The following HTR3D variants were observed in gnomAD, a reference collection of about 807,000 sequenced individuals.
HTR3D encodes 5-hydroxytryptamine receptor 3D.
In HTR3D, 47 loss-of-function variants were observed where a neutral mutation model predicts 45.8. That is an observed-to-expected ratio of 1.03 (90% CI 0.81 to 1.31). The LOEUF is 1.31. HTR3D is among the 50% of genes most tolerant of loss of function. The pLI is 0.00. For synonymous variants in HTR3D, 203 were observed against 199.8 expected (o/e 1.02, Z -0.13); for missense variants, 448 against 506.9 (o/e 0.88, Z 1.12).
intron 1 of HTR3D, chr3:184,033,117 G>A: frequency 8.2e-7 from 1 of 1,225,908 alleles, no homozygotes; most frequent in Non-Finnish European, 1.1e-6. Flanking sequence ...CCCTCTGACT[G>A]GATTTTTTTT....
In HTR3D at chr3:184,038,289, G is replaced by C. The variant is rs767301506; in HGVS notation, c.769+16G>C. ...CAAAAGCGAGGTGTGTGTTGGATGG[G>C]GAGAGGGATGGGCAGAACCAGGCGA... On this transcript the variant is annotated intron_variant, in intron 6 of 7. Transcript: ENST00000428798. The surrounding 1 kb of genome is among the most constrained non-coding windows in gnomAD (Gnocchi z 4.5). 4 of 1,613,200 alleles carry C rather than the reference G, an allele frequency of 2.5e-6. No individual in the cohort carries two copies. Among genetic ancestry groups the C allele is most frequent in the Non-Finnish European group, 3.4e-6 (4 of 1,179,352 alleles).
At chr3:184,031,599 T>C (rs1722751622), upstream of HTR3D, 1 of 617,532 alleles carries the variant, frequency 1.6e-6, no homozygotes, top group East Asian at 2.8e-5. Context: ...GACATTCTTT[T>C]GTCACCAAGG....
chr3:184,038,465 T>G lies in HTR3D; in HGVS notation c.826T>G (p.Phe276Val), dbSNP rs1576980234. ...LMVGSLLETIFITHLLHVATT... is the reference protein window; with the variant it reads ...LMVGSLLETIVITHLLHVATT... Reference sequence around the variant, plus strand: ...GGTGGGCAGCCTGCTGGAGACCATCTTCATCACCCACCTGCTGCACGTGGC... The same window carrying G: ...GGTGGGCAGCCTGCTGGAGACCATCGTCATCACCCACCTGCTGCACGTGGC... Residue 276 changes from phenylalanine (F) to valine (V), a missense_variant, in exon 7 of 8, where the codon TTC (phenylalanine) becomes GTC (valine). By Grantham distance (50) the Phe-to-Val change is conservative. Transcript: ENST00000428798. This position sits in a 1 kb window ranked among gnomAD's most constrained non-coding sequence, Gnocchi z 4.5. The G allele has an allele frequency of 1.6e-5, 26 of 1,614,036 alleles. No homozygotes were observed. The highest frequency in any genetic ancestry group is 2.0e-5 in the Non-Finnish European group (24 of 1,179,996).
In HTR3D at chr3:184,036,382, C is replaced by A. The variant is rs1364533857; in HGVS notation, c.205C>A (p.Gln69Lys). ...TCTCCCACACAGCATCAGTGTGGAT[C>A]AGACACCTGCAGGTCTCATGGCTAG... ...SDVFIEESVD[Q>K]TPAGLMASMS... Residue 69 changes from glutamine (Q) to lysine (K), a missense_variant, in exon 4 of 8, where the codon CAG becomes AAG. Physicochemically the swap from Gln to Lys is moderately conservative, Grantham distance 53 (BLOSUM62 1). Transcript: ENST00000428798. 2 of 1,614,128 alleles carry A rather than the reference C, an allele frequency of 1.2e-6. No individual in the cohort carries two copies. Among genetic ancestry groups the A allele is most frequent in the East Asian group, 4.5e-5 (2 of 44,884 alleles).
At chr3:184,036,187 C>T in intron 3 of HTR3D, 87 bp downstream of exon 3, 1 of 1,493,702 alleles carries the variant, frequency 6.7e-7, no homozygotes, top group Non-Finnish European at 8.9e-7. Context: ...AAAGACTCAA[C>T]TTAGAAAAGA....
intron 4 of HTR3D, 59 bp downstream of exon 4, chr3:184,036,603 G>T: frequency 6.2e-7 from 1 of 1,604,762 alleles, no homozygotes; most frequent in Non-Finnish European, 8.5e-7. Flanking sequence ...GTGAGAAGAG[G>T]ACAGAAAGCT....
chr3:184,031,854 G>C (rs1248237619), intron 1 of HTR3D, 47 bp downstream of exon 1: 2 of 1,350,594 alleles, frequency 1.5e-6, no homozygotes, highest in South Asian at 2.5e-5. Context: ...TAACTCCTGG[G>C]AAGCAGAGAA....
At position 184,036,440 on chromosome 3, in the gene HTR3D, T is replaced by G; in HGVS notation, c.263T>G (p.Ile88Arg). 1 of 1,614,170 alleles carries G rather than the reference T, an allele frequency of 6.2e-7. No individual in the cohort carries two copies. Among genetic ancestry groups the G allele is most frequent in the African/African-American group, 1.3e-5 (1 of 75,042 alleles). Residue 88 changes from isoleucine to arginine, a missense_variant, in exon 4 of 8, where the codon ATA becomes AGA. Coordinates refer to ENST00000428798, the MANE Select transcript of HTR3D (RefSeq NM_001145143.1). ...ATAGTGAAGGCCACATCAAACACAA[T>G]AAGCCAATGTGGGTGGTCAGCATCT... ...MSIVKATSNT[I>R]SQCGWSASAN...
intron 1 of HTR3D, chr3:184,032,865 C>G: frequency 6.4e-7 from 1 of 1,551,938 alleles, no homozygotes; most frequent in Middle Eastern, 1.7e-4. Flanking sequence ...CCAGCCCTGG[C>G]CCTCCTCTCT....
intron 5 of HTR3D, 62 bp downstream of exon 5, chr3:184,036,958 C>T (rs1350921701): frequency 5.1e-5 from 77 of 1,496,444 alleles, no homozygotes; most frequent in Non-Finnish European, 2.7e-5. Flanking sequence ...GAACTCCTGG[C>T]TTCAGGTGAT....
Position 184,036,409 on chromosome 3 carries a change from A to G in HTR3D, c.232A>G (p.Met78Val), listed in dbSNP as rs1240373788. The change falls in exon 4 of 8, where the codon ATG (methionine) becomes GTG (valine). Residue 78 changes from methionine to valine, a missense_variant. Coordinates refer to ENST00000428798, the MANE Select transcript of HTR3D (RefSeq NM_001145143.1). ...GACACCTGCAGGTCTCATGGCTAGTATGTCAATAGTGAAGGCCACATCAAA... is the reference window on the plus strand; with the variant it reads ...GACACCTGCAGGTCTCATGGCTAGTGTGTCAATAGTGAAGGCCACATCAAA... ...DQTPAGLMAS[M>V]SIVKATSNTI... The G allele has an allele frequency of 1.2e-6, 2 of 1,614,106 alleles. No homozygotes were observed. The highest frequency in any genetic ancestry group is 1.7e-6 in the Non-Finnish European group (2 of 1,180,058).
chr3:184,037,219 T>C (rs1722933711), intron 5 of HTR3D, among the ~76,000 whole-genome samples: 1 of 151,642 alleles, frequency 6.6e-6, no homozygotes, highest in African/African-American at 2.4e-5. Context: ...TTTGTATTTT[T>C]AGTAGAGATG....
intron 1 of HTR3D, among the ~76,000 whole-genome samples, chr3:184,033,820 G>T (rs143950197): frequency 6.6e-6 from 1 of 152,288 alleles, no homozygotes; most frequent in East Asian, 1.9e-4. Flanking sequence ...GGGAGGAGGA[G>T]ACAGGAGAAT....
intron 1 of HTR3D, among the ~76,000 whole-genome samples, chr3:184,034,761 G>A (rs777277667): frequency 3.4e-5 from 5 of 145,970 alleles, no homozygotes; most frequent in Non-Finnish European, 7.4e-5. Flanking sequence ...CTGGGAGGCA[G>A]AGGTTGCAGT....
rs1479215819 is a variant in HTR3D, at chr3:184,036,860, C to G, written c.480C>G (p.Thr160=). The change falls in exon 5 of 8, where the codon ACC becomes ACG. Residue 160 remains threonine (T), a synonymous_variant. Coordinates refer to ENST00000428798, the MANE Select transcript of HTR3D (RefSeq NM_001145143.1). ...LGIQKRTIKV[T]VATNQYEQAI... Reference sequence around the variant, plus strand: ...TCCAAAAAAGAACAATAAAGGTGACCGTGGCCACTAACCAGTATGAACAAG... The same window carrying G: ...TCCAAAAAAGAACAATAAAGGTGACGGTGGCCACTAACCAGTATGAACAAG... The G allele has an allele frequency of 1.9e-6, 3 of 1,551,498 alleles. No individual in the cohort carries two copies. The highest frequency in any genetic ancestry group is 1.2e-5 in the South Asian group (1 of 84,056).
Position 184,038,070 on chromosome 3 carries a change from T to C in HTR3D, c.566T>C (p.Leu189Pro). Residue 189 changes from leucine to proline, a missense_variant, in exon 6 of 8, where the codon CTG becomes CCG. Transcript: ENST00000428798. This position sits in a 1 kb window ranked among gnomAD's most constrained non-coding sequence, Gnocchi z 4.5. ...CRPSPYVVNF[L>P]VPSGILIAID... is the part of the protein sequence containing the mutation. ...CCCAGCCCCTACGTGGTAAACTTTC[T>C]GGTGCCCAGTGGCATTCTGATTGCC... The C allele has an allele frequency of 1.2e-6, 2 of 1,614,166 alleles. No homozygotes were observed. The highest frequency in any genetic ancestry group is 1.7e-6 in the Non-Finnish European group (2 of 1,180,028).
intron 1 of HTR3D, 28 bp from the exon 2 acceptor site, chr3:184,035,150 A>G: frequency 6.4e-7 from 1 of 1,551,798 alleles, no homozygotes; most frequent in Non-Finnish European, 8.7e-7. Context: ...CCTGGAGTTA[A>G]TCATCTAGAT....
At chr3:184,034,991 C>A in intron 1 of HTR3D, 187 bp from the exon 2 acceptor site, 1 of 1,347,124 alleles carries the variant, frequency 7.4e-7, no homozygotes, top group Non-Finnish European at 9.9e-7. Flanking sequence ...AATGGACCTT[C>A]ATACTGTGTT....
At chr3:184,036,603 G>A in intron 4 of HTR3D, 59 bp downstream of exon 4, 3 of 1,604,762 alleles carry the variant, frequency 1.9e-6, no homozygotes, top group Non-Finnish European at 1.7e-6. Flanking sequence ...GTGAGAAGAG[G>A]ACAGAAAGCT....
Sources: gnomAD v4.1 joint callset for allele counts (sites outside exome capture counted in the v4.1 genomes callset) on GRCh38, gnomAD v4.1.1 for gene constraint, Gnocchi (gnomAD v3.1) non-coding constraint, MANE v1.5 for transcripts, NCBI Gene and HGNC (gene_info 2026-07-23, HGNC 2026-07-21) for gene names.